ANO4: variants seen among roughly 807,000 people sequenced by gnomAD.
The protein encoded by ANO4 is anoctamin 4, also known as anoctamin-4.
Under a neutral mutation model 141.9 loss-of-function variants are expected in ANO4, and 69 were observed. The observed-to-expected ratio is 0.49, with a 90% CI of 0.40 to 0.59. The LOEUF (loss-of-function observed/expected upper bound fraction) is 0.59. Ranked by LOEUF, ANO4 falls within the 20% of genes least tolerant of loss-of-function variation. The pLI, the probability that ANO4 is intolerant of heterozygous loss-of-function variation, is 0.00. For missense variants in ANO4, 894 were observed against 1,162.2 expected (o/e 0.77, Z 3.36); for synonymous variants, 350 against 394.3 (o/e 0.89, Z 1.33).
chr12:101,056,444 A>G (rs996205823), intron 14 of ANO4, among the ~76,000 whole-genome samples: 4 of 152,158 alleles, frequency 2.6e-5, no homozygotes, highest in African/African-American at 9.6e-5. Context: ...TATTGACCAT[A>G]TATCTTGTGA....
intron 1 of ANO4, among the ~76,000 whole-genome samples, chr12:100,850,742 C>T (rs1294559408): frequency 6.6e-6 from 1 of 151,862 alleles, no homozygotes; most frequent in African/African-American, 2.4e-5. Flanking sequence ...ATGTTTCTAC[C>T]TTTATCATAT....
rs763133235 is a variant in ANO4, at chr12:101,127,020, C to T, written c.2818C>T (p.Arg940Ter). ...AGAACTGGAACGTCTCCAGAAGGAACGAAAGGAGAGGAAGAAGAATGGAAA... is the reference window on the plus strand; with the variant it reads ...AGAACTGGAACGTCTCCAGAAGGAATGAAAGGAGAGGAAGAAGAATGGAAA... The part of the protein sequence containing the change: ...EAELERLQKE[R>*]KERKKNGKAH... Residue 940 changes from arginine to a stop codon, truncating the protein, a stop_gained, in exon 27 of 28, where the codon CGA becomes TGA. Transcript: ENST00000392977. LOFTEE classifies it high-confidence loss of function. The T allele has an allele frequency of 3.7e-6, 6 of 1,613,970 alleles. No homozygotes were observed. Among genetic ancestry groups the T allele is most frequent in the Admixed American group, 3.3e-5 (2 of 59,982 alleles).
chr12:101,091,474 A>T (rs774572426), intron 17 of ANO4, among the ~76,000 whole-genome samples: 4 of 152,148 alleles, frequency 2.6e-5, no homozygotes, highest in African/African-American at 7.2e-5. Flanking sequence ...AGAACATCTT[A>T]AAAAAATTTT....
chr12:100,850,982 G>C (rs1219940872), intron 1 of ANO4, among the ~76,000 whole-genome samples: 3 of 151,786 alleles, frequency 2.0e-5, no homozygotes, highest in African/African-American at 7.3e-5. Context: ...TCATATTGTG[G>C]GATATTTGTG....
At chr12:101,049,860 G>A (rs2047789980) in intron 14 of ANO4, among the ~76,000 whole-genome samples, 1 of 152,162 alleles carries the variant, frequency 6.6e-6, no homozygotes, top group Non-Finnish European at 1.5e-5. Flanking sequence ...ACCAAGATCA[G>A]TCAAACCACA....
At chr12:101,083,085 T>A (rs777638005) in intron 15 of ANO4, among the ~76,000 whole-genome samples, 1 of 152,138 alleles carries the variant, frequency 6.6e-6, no homozygotes, top group Non-Finnish European at 1.5e-5. Context: ...TGTTTTCAAT[T>A]AAGAATTAAG....
At position 100,970,663 on chromosome 12, in the gene ANO4, C is replaced by CGCCTGCCTTCCT. The variant is rs372004015; in HGVS notation, c.457-643_457-642insGCCTGCCTTCCT. On this transcript the variant is annotated intron_variant, in intron 5 of 27. Transcript: ENST00000392977. ...TCCCTTCCTCCCTCCCTCCCTCCCT[C>CGCCTGCCTTCCT]TCCTTCCTTCCTTCCTTCCTTCCTT... Among the ~76,000 whole-genome samples, 139 of 91,754 alleles carry CGCCTGCCTTCCT rather than the reference C, an allele frequency of 1.5e-3. 3 individuals carry two copies. Among genetic ancestry groups the CGCCTGCCTTCCT allele is most frequent in the Middle Eastern group, 5.7e-3 (1 of 174 alleles). 60.2% of individuals were successfully genotyped at this position (91,754 alleles called of 152,430 possible).
chr12:100,848,186 C>A (rs571756311), intron 1 of ANO4, among the ~76,000 whole-genome samples: 6 of 152,182 alleles, frequency 3.9e-5, no homozygotes, highest in African/African-American at 1.4e-4. Context: ...AGAGTACTAG[C>A]CTTGATTTAT....
chr12:100,886,589 C>T (rs1481842764), intron 1 of ANO4, among the ~76,000 whole-genome samples: 2 of 152,160 alleles, frequency 1.3e-5, no homozygotes, highest in South Asian at 2.1e-4. Flanking sequence ...GTGAAGCCTT[C>T]CCTGGTAGCC....
chr12:101,054,592 C>T (rs547059604), intron 14 of ANO4, among the ~76,000 whole-genome samples: 10 of 152,300 alleles, frequency 6.6e-5, no homozygotes, highest in Non-Finnish European at 1.0e-4. Flanking sequence ...CTCCGCCTCC[C>T]GGCTTCACGC....
rs535119198 is a variant in ANO4, at chr12:101,013,710, A to G, written c.735-6324A>G. ...TAAAATTCACTTTCTTAGTTTTACTAGTCACAGTTCAAGTGCTCAATAGTT... is the reference window on the plus strand; with the variant it reads ...TAAAATTCACTTTCTTAGTTTTACTGGTCACAGTTCAAGTGCTCAATAGTT... On this transcript the variant is annotated intron_variant, in intron 8 of 27. Transcript: ENST00000392977. 8.5e-5 allele frequency among the ~76,000 whole-genome samples: 13 copies of G among 152,360 alleles called. 1 individual carries two copies. The South Asian group carries it at 2.7e-3, about 32-fold the overall frequency.
At chr12:101,018,128 T>C (rs984493914) in intron 8 of ANO4, among the ~76,000 whole-genome samples, 3 of 152,244 alleles carry the variant, frequency 2.0e-5, no homozygotes, top group African/African-American at 7.2e-5. Context: ...CAAAATGTGC[T>C]TTTTATTTAT....
intron 20 of ANO4, 46 bp downstream of exon 20, chr12:101,097,754 A>C (rs201826106): frequency 1.2e-6 from 2 of 1,610,866 alleles, no homozygotes; most frequent in East Asian, 4.5e-5. Flanking sequence ...ACTTGCATTA[A>C]ACAGCCTTAG....
At position 101,116,775 on chromosome 12, in the gene ANO4, G is replaced by C. The variant is rs762658538; in HGVS notation, c.2547G>C (p.Ser849=). 92 of 1,613,924 alleles carry C rather than the reference G, an allele frequency of 5.7e-5. No individual in the cohort carries two copies. Among genetic ancestry groups the C allele is most frequent in the Non-Finnish European group, 6.9e-5 (82 of 1,179,994 alleles). ...SEPESDGSEF[S]GTPLKYCRYR... ...CTGAATCTGATGGCAGTGAGTTCTC[G>C]GGGACTCCTCTTAAGTACTGCAGGT... Residue 849 remains serine (S), a synonymous_variant, in exon 25 of 28, where the codon TCG becomes TCC. Coordinates refer to ENST00000392977, the MANE Select transcript of ANO4 (RefSeq NM_001286615.2).
At chr12:100,856,456 A>T (rs1415487641) in intron 1 of ANO4, among the ~76,000 whole-genome samples, 1 of 152,212 alleles carries the variant, frequency 6.6e-6, no homozygotes, top group African/African-American at 2.4e-5. Context: ...CTTGGAGGAT[A>T]GAAAGTAAAT....
chr12:101,022,053 A>AAAC lies in ANO4; in HGVS notation c.841+1915_841+1916insCAA, dbSNP rs1404704263. On this transcript the variant is annotated intron_variant, in intron 9 of 27. Coordinates refer to ENST00000392977, the MANE Select transcript of ANO4 (RefSeq NM_001286615.2). ...ATAATGACTCTGCCAAAAAAAAAAA[A>AAAC]AAAAAAACACCTACTTTGATCCCAA... Among the ~76,000 whole-genome samples the AAAC allele has an allele frequency of 1.5e-4, 23 of 149,856 alleles. 1 individual carries two copies. The highest frequency in any genetic ancestry group is 5.6e-4 in the African/African-American group (23 of 40,762).
intron 8 of ANO4, among the ~76,000 whole-genome samples, chr12:100,997,842 G>C (rs917638372): frequency 1.3e-5 from 2 of 152,206 alleles, no homozygotes; most frequent in Non-Finnish European, 2.9e-5. Flanking sequence ...ATGGTGGACA[G>C]TATCCCTGGT....
chr12:100,941,867 C>T (rs2042530131), intron 4 of ANO4, among the ~76,000 whole-genome samples: 1 of 151,684 alleles, frequency 6.6e-6, no homozygotes, highest in Non-Finnish European at 1.5e-5. Context: ...ACATTTTGCG[C>T]ACTTAACTCA....
chr12:100,833,723 G>T (rs1026104033), intron 1 of ANO4, among the ~76,000 whole-genome samples: 4 of 152,018 alleles, frequency 2.6e-5, no homozygotes, highest in African/African-American at 4.8e-5. Context: ...CTGGCTCATA[G>T]TAGGAGATTT....
Sources: allele counts gnomAD v4.1 joint callset (sites outside exome capture counted in the v4.1 genomes callset), GRCh38; gene constraint gnomAD v4.1.1; transcripts MANE v1.5; gene names NCBI Gene and HGNC (gene_info 2026-07-23, HGNC 2026-07-21).